Variants in PLCB1 observed in about 807,000 individuals in gnomAD.
PLCB1 encodes 1-phosphatidylinositol 4,5-bisphosphate phosphodiesterase beta-1.
Under a neutral mutation model 161.8 loss-of-function variants are expected in PLCB1, and 46 were observed. The ratio of observed to expected loss-of-function variants is 0.28; its 90% CI spans 0.22 to 0.36. The LOEUF (loss-of-function observed/expected upper bound fraction) is 0.36. PLCB1 is among the 10% of genes least tolerant of loss of function. The pLI is 1.00. For synonymous variants in PLCB1, 517 were observed against 503.7 expected, an observed-to-expected ratio of 1.03 and a Z score of -0.35; for missense variants, 1,016 against 1,472.5, an observed-to-expected ratio of 0.69 and a Z score of 5.07.
chr20:8,183,550 A>T (rs886538732), intron 2 of PLCB1, among the ~76,000 whole-genome samples: 1 of 152,192 alleles, frequency 6.6e-6, no homozygotes, highest in African/African-American at 2.4e-5. Context: ...ATATTTTGAT[A>T]CCCCTTGATA....
intron 3 of PLCB1, among the ~76,000 whole-genome samples, chr20:8,427,343 G>T (rs1979828745): frequency 6.6e-6 from 1 of 152,196 alleles, no homozygotes; most frequent in South Asian, 2.1e-4. Flanking sequence ...AGGAAACCTG[G>T]CTTCTAAGGG....
chr20:8,726,937 C>T (rs2123486864), intron 16 of PLCB1, among the ~76,000 whole-genome samples: 1 of 152,042 alleles, frequency 6.6e-6, no homozygotes. Context: ...TTTGTTAAAC[C>T]CCATATTGGC....
At chr20:8,289,841 A>C (rs1210865695) in intron 2 of PLCB1, among the ~76,000 whole-genome samples, 1 of 152,180 alleles carries the variant, frequency 6.6e-6, no homozygotes, top group South Asian at 2.1e-4. Context: ...ATTAGGCTGC[A>C]GTTTTGACAG....
At chr20:8,145,760 G>A (rs2051446763) in intron 1 of PLCB1, among the ~76,000 whole-genome samples, 1 of 152,136 alleles carries the variant, frequency 6.6e-6, no homozygotes, top group South Asian at 2.1e-4. Flanking sequence ...AAATGTTCTA[G>A]TAGCCTCATT....
At chr20:8,133,762 T>C (rs991540485) in intron 1 of PLCB1, among the ~76,000 whole-genome samples, 42 of 152,242 alleles carry the variant, frequency 2.8e-4, no homozygotes, top group African/African-American at 1.0e-3. Context: ...TGCCAGGCTC[T>C]AAGCAAATTT....
chr20:8,662,592 T>C (rs34532695), intron 9 of PLCB1, among the ~76,000 whole-genome samples: 24,534 of 145,440 alleles, frequency 0.17, 2,726 homozygotes, highest in Non-Finnish European at 0.25. Context: ...AATATCTAAA[T>C]ATATTAATAA....
intron 3 of PLCB1, among the ~76,000 whole-genome samples, chr20:8,577,437 C>CAAAAA (rs11289640): frequency 1.1e-5 from 1 of 94,036 alleles, no homozygotes; most frequent in Non-Finnish European, 2.3e-5. Flanking sequence ...GACCCTGTCT[C>CAAAAA]AAAAAAAAAA....
chr20:8,274,117 C>T (rs1033773839), intron 2 of PLCB1, among the ~76,000 whole-genome samples: 3 of 152,082 alleles, frequency 2.0e-5, no homozygotes, highest in African/African-American at 4.8e-5. Context: ...CTGTTAGCAA[C>T]TTTCCATATT....
chr20:8,801,740 C>G (rs1349148935), intron 31 of PLCB1, among the ~76,000 whole-genome samples: 2 of 152,130 alleles, frequency 1.3e-5, no homozygotes, highest in Non-Finnish European at 2.9e-5. Flanking sequence ...ACTATCTTTT[C>G]TCAAGTTTCT....
At chr20:8,235,010 A>G (rs1279478546) in intron 2 of PLCB1, among the ~76,000 whole-genome samples, 1 of 152,084 alleles carries the variant, frequency 6.6e-6, no homozygotes, top group Non-Finnish European at 1.5e-5. Flanking sequence ...TTCAATAATG[A>G]TTTTTACATG....
intron 9 of PLCB1, among the ~76,000 whole-genome samples, chr20:8,662,657 G>A (rs1352013740): frequency 6.7e-6 from 1 of 149,330 alleles, no homozygotes; most frequent in Non-Finnish European, 1.5e-5. Context: ...AATCCAACGT[G>A]CACCTGAATC....
intron 2 of PLCB1, among the ~76,000 whole-genome samples, chr20:8,214,818 T>C (rs1472862231): frequency 6.6e-6 from 1 of 152,028 alleles, no homozygotes; most frequent in Non-Finnish European, 1.5e-5. Context: ...TATTTTGCCT[T>C]CTTTTTTCAC....
intron 2 of PLCB1, among the ~76,000 whole-genome samples, chr20:8,324,083 T>G (rs1436346707): frequency 6.6e-6 from 1 of 152,088 alleles, no homozygotes; most frequent in African/African-American, 2.4e-5. Flanking sequence ...TTTTACAGAG[T>G]GACTGCTATA....
Position 8,882,115 on chromosome 20 carries a change from G to A in PLCB1, c.*266G>A. ...CTTTCCAATAGCAAATTCAAAGCAAGCAACTTGCAGGCTCCATGGAACTTT... is the reference window on the plus strand; with the variant it reads ...CTTTCCAATAGCAAATTCAAAGCAAACAACTTGCAGGCTCCATGGAACTTT... On this transcript the variant is annotated 3_prime_UTR_variant, in exon 32 of 32. Coordinates refer to ENST00000338037, the MANE Select transcript of PLCB1 (RefSeq NM_015192.4). 2.7e-6 allele frequency: 1 copy of A among 372,178 alleles called. No homozygotes were observed. The highest frequency in any genetic ancestry group is 4.7e-5 in the South Asian group (1 of 21,228). The allele number at this position is 372,178 out of a possible 1,614,324, so 23.1% of individuals were successfully genotyped here.
At chr20:8,294,649 A>G (rs1983546252) in intron 2 of PLCB1, among the ~76,000 whole-genome samples, 1 of 150,656 alleles carries the variant, frequency 6.6e-6, no homozygotes, top group Non-Finnish European at 1.5e-5. Flanking sequence ...AGCACTCCTG[A>G]TAAGATGGCC....
At chr20:8,508,820 T>C (rs988180478) in intron 3 of PLCB1, among the ~76,000 whole-genome samples, 1 of 152,102 alleles carries the variant, frequency 6.6e-6, no homozygotes. Flanking sequence ...TATTTTACTA[T>C]GTATACAATG....
At chr20:8,542,774 C>T (rs1160846998) in intron 3 of PLCB1, among the ~76,000 whole-genome samples, 1 of 152,148 alleles carries the variant, frequency 6.6e-6, no homozygotes, top group African/African-American at 2.4e-5. Context: ...CAGTGTCCTT[C>T]GTTCAGATCA....
chr20:8,816,872 G>C (rs1367822949), intron 31 of PLCB1, among the ~76,000 whole-genome samples: 1 of 152,202 alleles, frequency 6.6e-6, no homozygotes. Flanking sequence ...ATGAGAGCTT[G>C]TTTGAAATTC....
At chr20:8,362,889 T>G (rs1474412206) in intron 2 of PLCB1, among the ~76,000 whole-genome samples, 1 of 152,182 alleles carries the variant, frequency 6.6e-6, no homozygotes, top group African/African-American at 2.4e-5. Flanking sequence ...AAAGTAAGTT[T>G]GGGGATATGT....
Sources: gnomAD v4.1 joint callset for allele counts (sites outside exome capture counted in the v4.1 genomes callset) on GRCh38, gnomAD v4.1.1 for gene constraint, MANE v1.5 for transcripts, NCBI Gene and HGNC (gene_info 2026-07-23, HGNC 2026-07-21) for gene names.